WDPCP: variants seen among roughly 807,000 people sequenced by gnomAD.
The protein encoded by WDPCP is WD repeat-containing and planar cell polarity effector protein fritz homolog.
A neutral mutation model predicts 93.1 loss-of-function variants in WDPCP; 71 were observed. The observed-to-expected ratio is 0.76, with a 90% confidence interval of 0.63 to 0.93. The LOEUF (loss-of-function observed/expected upper bound fraction) is 0.93. Ranked by LOEUF, WDPCP falls within the 40% of genes least tolerant of loss-of-function variation. WDPCP has a pLI of 0.00. For missense variants in WDPCP, 844 were observed against 887.4 expected, an observed-to-expected ratio of 0.95 and a Z score of 0.62; for synonymous variants, 315 against 315.0, an observed-to-expected ratio of 1.00 and a Z score of 0.00.
At chr2:63,761,848 C>T (rs902180235) in intron 2 of WDPCP, among the ~76,000 whole-genome samples, 18 of 152,182 alleles carry the variant, frequency 1.2e-4, no homozygotes, top group African/African-American at 3.9e-4. Context: ...GTCAAGTTGA[C>T]ATTCAGTATT....
chr2:63,176,416 T>TA (rs907985610), intron 14 of WDPCP, among the ~76,000 whole-genome samples: 3 of 151,766 alleles, frequency 2.0e-5, no homozygotes, highest in Admixed American at 6.6e-5. Context: ...ATGACTCATT[T>TA]AAAAAAAACA....
At chr2:63,329,156 A>C (rs570468511) in intron 12 of WDPCP, among the ~76,000 whole-genome samples, 1 of 152,166 alleles carries the variant, frequency 6.6e-6, no homozygotes, top group Non-Finnish European at 1.5e-5. Flanking sequence ...CTCATCTTGC[A>C]TATCTGAAAC....
chr2:63,323,588 A>G lies in WDPCP; in HGVS notation c.1749-10277T>C, dbSNP rs1250225334. Among the ~76,000 whole-genome samples the G allele has an allele frequency of 4.6e-5, 7 of 152,014 alleles. No homozygotes were observed. The East Asian group carries it at 1.4e-3, about 30-fold the overall frequency. On this transcript the variant is annotated intron_variant, in intron 12 of 17. Coordinates refer to ENST00000272321, the MANE Select transcript of WDPCP (RefSeq NM_015910.7). ...GGACATCCCTTCCCTCCCTCAGGGT[A>G]TGGCCCTCCACTTCATTTGGGGGGC...
chr2:63,176,134 A>G (rs903539244), intron 14 of WDPCP, among the ~76,000 whole-genome samples: 1 of 152,208 alleles, frequency 6.6e-6, no homozygotes, highest in Non-Finnish European at 1.5e-5. Context: ...TGAATGTGAC[A>G]TGCTACCTTA....
chr2:63,837,494 A>G, the WDPCP span, among the ~76,000 whole-genome samples: 3 of 152,180 alleles, frequency 2.0e-5, no homozygotes, highest in Non-Finnish European at 4.4e-5. Context: ...ATGACACAGA[A>G]ATTTTTATGT....
At chr2:63,326,694 G>C (rs1687577991) in intron 12 of WDPCP, among the ~76,000 whole-genome samples, 1 of 151,242 alleles carries the variant, frequency 6.6e-6, no homozygotes, top group African/African-American at 2.4e-5. Flanking sequence ...GGAAGTCAAA[G>C]AGAAGGAGAC....
At chr2:63,203,876 A>G (rs935644416) in intron 14 of WDPCP, among the ~76,000 whole-genome samples, 2 of 152,186 alleles carry the variant, frequency 1.3e-5, no homozygotes, top group Non-Finnish European at 2.9e-5. Context: ...GTTGCAGATA[A>G]CAGGATCTCA....
At chr2:63,257,399 A>G (rs557780617) in intron 14 of WDPCP, among the ~76,000 whole-genome samples, 1 of 152,334 alleles carries the variant, frequency 6.6e-6, no homozygotes, top group African/African-American at 2.4e-5. Context: ...GGTAGAGACC[A>G]TGATGAGGAA....
chr2:63,718,197 A>G (rs1669365434), intron 2 of WDPCP, among the ~76,000 whole-genome samples: 1 of 152,138 alleles, frequency 6.6e-6, no homozygotes, highest in Non-Finnish European at 1.5e-5. Context: ...ATCTTATTGT[A>G]AATATTGCTG....
chr2:63,299,896 G>A (rs1440635374), intron 13 of WDPCP, among the ~76,000 whole-genome samples: 2 of 152,244 alleles, frequency 1.3e-5, no homozygotes, highest in East Asian at 3.9e-4. Context: ...TTGCATGGAT[G>A]AATGCCGGCA....
intron 2 of WDPCP, among the ~76,000 whole-genome samples, chr2:63,723,633 G>A (rs969699861): frequency 3.3e-5 from 5 of 151,890 alleles, no homozygotes; most frequent in Non-Finnish European, 5.9e-5. Context: ...ATGTCAGTTT[G>A]GACAGTACTC....
intron 12 of WDPCP, among the ~76,000 whole-genome samples, chr2:63,375,033 A>G (rs1252791651): frequency 6.6e-6 from 1 of 152,090 alleles, no homozygotes; most frequent in Non-Finnish European, 1.5e-5. Context: ...ATCACATAAC[A>G]CTATTTGAGT....
intron 1 of WDPCP, among the ~76,000 whole-genome samples, chr2:63,560,123 T>C (rs562995542): frequency 5.4e-4 from 82 of 152,138 alleles, no homozygotes; most frequent in South Asian, 1.9e-3. Context: ...TTTGGGAAGC[T>C]CAGGCAGGAG....
chr2:63,809,183 C>T (rs1388161419), intron 2 of WDPCP, among the ~76,000 whole-genome samples: 25 of 151,770 alleles, frequency 1.6e-4, no homozygotes, highest in African/African-American at 4.8e-4. Flanking sequence ...CGTCTCCGCC[C>T]GGCAGCCGCC....
chr2:63,818,395 T>C (rs886602390), intron 1 of WDPCP, among the ~76,000 whole-genome samples: 1 of 152,202 alleles, frequency 6.6e-6, no homozygotes, highest in African/African-American at 2.4e-5. Context: ...CCTTGAATAA[T>C]GTCAACACAT....
chr2:63,389,456 T>G (rs1693029640), intron 10 of WDPCP, among the ~76,000 whole-genome samples: 1 of 152,106 alleles, frequency 6.6e-6, no homozygotes, highest in African/African-American at 2.4e-5. Context: ...TGCCAAATTA[T>G]AAAGACCATC....
intron 9 of WDPCP, among the ~76,000 whole-genome samples, chr2:63,417,687 A>G (rs993180700): frequency 6.7e-6 from 1 of 149,884 alleles, no homozygotes; most frequent in African/African-American, 2.4e-5. Flanking sequence ...CCCTTGGTGC[A>G]AAAGTTTAAG....
chr2:63,259,248 GAAATGATACTAACT>G, intron 14 of WDPCP, 45 bp downstream of exon 14: 3 of 1,390,340 alleles, frequency 2.2e-6, no homozygotes, highest in African/African-American at 1.4e-5. Context: ...AACATAAATA[GAAATGATACTAACT>G]ATTGATTAAA....
At chr2:63,373,887 T>C (rs1010977645) in intron 12 of WDPCP, among the ~76,000 whole-genome samples, 17 of 152,276 alleles carry the variant, frequency 1.1e-4, no homozygotes, top group African/African-American at 4.1e-4. Context: ...TATCTTCCTC[T>C]TGAAAAGTAT....
Sources: allele counts gnomAD v4.1 joint callset (sites outside exome capture counted in the v4.1 genomes callset), GRCh38; gene constraint gnomAD v4.1.1; transcripts MANE v1.5; gene names NCBI Gene and HGNC (gene_info 2026-07-23, HGNC 2026-07-21).